BIRC6: variants seen among roughly 807,000 people sequenced by gnomAD.
BIRC6 encodes dual E2 ubiquitin-conjugating enzyme/E3 ubiquitin-protein ligase BIRC6.
In BIRC6, 98 loss-of-function variants were observed where a neutral mutation model predicts 503.3. The ratio of observed to expected loss-of-function variants is 0.19; its 90% CI spans 0.17 to 0.23. BIRC6 has a LOEUF of 0.23. Among genes scored for constraint, BIRC6 ranks in the 10% least tolerant of loss-of-function variants. The probability of loss-of-function intolerance (pLI) is 1.00; values close to 1 mark genes in which losing one functional copy is unlikely to be tolerated. For missense variants in BIRC6, 5,360 were observed against 5,806.0 expected, an observed-to-expected ratio of 0.92 and a Z score of 2.50; for synonymous variants, 2,240 against 2,078.7, an observed-to-expected ratio of 1.08 and a Z score of -2.11.
intron 10 of BIRC6, among the ~76,000 whole-genome samples, chr2:32,420,817 C>T (rs2042854860): frequency 6.6e-6 from 1 of 151,848 alleles, no homozygotes; most frequent in Non-Finnish European, 1.5e-5. Context: ...TGGCTCCTTA[C>T]ATTCCTTTTA....
Position 32,493,798 on chromosome 2 carries a change from G to A in BIRC6, c.8468+131G>A, listed in dbSNP as rs908278632. On this transcript the variant is annotated intron_variant, in intron 45 of 73. Coordinates refer to ENST00000421745, the MANE Select transcript of BIRC6 (RefSeq NM_016252.4). ...CAGGAGGACGGTAGTAATTAAGGGGGAAGGATATATTGGTGTGTTTCCTGA... is the reference window on the plus strand; with the variant it reads ...CAGGAGGACGGTAGTAATTAAGGGGAAAGGATATATTGGTGTGTTTCCTGA... 3 of 682,050 alleles carry A rather than the reference G, an allele frequency of 4.4e-6. No homozygotes were observed. The South Asian group carries it at 6.8e-5, about 15-fold the overall frequency. 42.2% of individuals were successfully genotyped at this position (682,050 alleles called of 1,614,324 possible).
At chr2:32,560,882 G>A (rs112631440) in intron 65 of BIRC6, among the ~76,000 whole-genome samples, 5,262 of 149,854 alleles carry the variant, frequency 0.035, 140 homozygotes, top group African/African-American at 0.075. Context: ...TTTTTTTTAT[G>A]CAACATCTCG....
intron 66 of BIRC6, among the ~76,000 whole-genome samples, chr2:32,578,226 G>A (rs2060397289): frequency 6.6e-6 from 1 of 151,892 alleles, no homozygotes; most frequent in African/African-American, 2.4e-5. Context: ...TTTTCCAGTT[G>A]TCACAACTTA....
rs758749183 is a variant in BIRC6 at position 32,464,542 on chromosome 2, A to ACAGCTGCAG, written c.4989_4997dup (p.Ala1664_Ala1666dup). ...GCTGGAAGCCAAGTTACATCAGACAACAGCTGCAGCAGCTGCAGCAGCATC... is the reference window on the plus strand; with the variant it reads ...GCTGGAAGCCAAGTTACATCAGACAACAGCTGCAGCAGCTGCAGCAGCTGCAGCAGCATC... On this transcript the variant is annotated inframe_insertion, in exon 25 of 74. Coordinates refer to ENST00000421745, the MANE Select transcript of BIRC6 (RefSeq NM_016252.4). The ACAGCTGCAG allele has an allele frequency of 8.2e-6, 13 of 1,591,576 alleles. No homozygotes were observed. Among genetic ancestry groups the ACAGCTGCAG allele is most frequent in the African/African-American group, 1.3e-5 (1 of 74,528 alleles).
chr2:32,383,419 A>G (rs1331839222), intron 3 of BIRC6, among the ~76,000 whole-genome samples: 3 of 152,138 alleles, frequency 2.0e-5, no homozygotes, highest in Non-Finnish European at 4.4e-5. Context: ...TTTTTGTATT[A>G]CCTGTTCCTT....
chr2:32,570,555 A>G (rs552507207), intron 65 of BIRC6, among the ~76,000 whole-genome samples: 17 of 151,908 alleles, frequency 1.1e-4, no homozygotes, highest in African/African-American at 2.9e-4. Flanking sequence ...CTGGAGTGCA[A>G]TGGTATTATC....
rs190586339 is a variant in BIRC6, at chr2:32,511,899, T to G, written c.10347-1034T>G. 1.6e-4 allele frequency among the ~76,000 whole-genome samples: 24 copies of G among 152,304 alleles called. 1 individual carries two copies. Among genetic ancestry groups the G allele is most frequent in the African/African-American group, 5.5e-4 (23 of 41,584 alleles). On this transcript the variant is annotated intron_variant, in intron 53 of 73. Transcript: ENST00000421745. ...AGTGAATAACAATTTGTGCCAAATT[T>G]GAATCATAATCGTTAGTAGTGGTTA...
At chr2:32,615,932 C>A (rs531563227) in intron 73 of BIRC6, among the ~76,000 whole-genome samples, 1 of 152,116 alleles carries the variant, frequency 6.6e-6, no homozygotes, top group South Asian at 2.1e-4. Flanking sequence ...CAGACCCGGC[C>A]GACACAATTT....
At chr2:32,369,942 AAAAATATATATATATATATATATATAT>A (rs1558540597) in intron 1 of BIRC6, among the ~76,000 whole-genome samples, 9 of 34,294 alleles carry the variant, frequency 2.6e-4, no homozygotes, top group Non-Finnish European at 3.5e-4. Flanking sequence ...AAAAAAAAAA[AAAAATATATATATATATATATATATAT>A]ATATATATAT....
chr2:32,381,655 C>T (rs1224069930), intron 3 of BIRC6, among the ~76,000 whole-genome samples: 5 of 151,502 alleles, frequency 3.3e-5, no homozygotes, highest in African/African-American at 1.2e-4. Flanking sequence ...AAGCTATTCT[C>T]CTGCCTCAGC....
chr2:32,427,162 G>T (rs1401466820), intron 10 of BIRC6, among the ~76,000 whole-genome samples: 2 of 152,038 alleles, frequency 1.3e-5, no homozygotes, highest in African/African-American at 4.8e-5. Context: ...ATCAGATTTG[G>T]TAAGTTTTTG....
intron 8 of BIRC6, among the ~76,000 whole-genome samples, chr2:32,402,996 G>A (rs1360892111): frequency 2.6e-5 from 4 of 152,160 alleles, no homozygotes; most frequent in East Asian, 3.8e-4. Context: ...ATTATATGGG[G>A]TAATGTGCTT....
intron 71 of BIRC6, among the ~76,000 whole-genome samples, chr2:32,604,122 A>T (rs941054649): frequency 6.6e-6 from 1 of 152,174 alleles, no homozygotes; most frequent in Non-Finnish European, 1.5e-5. Context: ...TCTATATTAT[A>T]AAGTTATGTA....
chr2:32,467,213 C>T (rs1479697072), intron 26 of BIRC6, among the ~76,000 whole-genome samples: 3 of 152,028 alleles, frequency 2.0e-5, no homozygotes, highest in Non-Finnish European at 4.4e-5. Context: ...TGTATTGCAG[C>T]CTGGAGCTCC....
chr2:32,514,794 C>A (rs1021149516), intron 54 of BIRC6, among the ~76,000 whole-genome samples, 196 bp from the exon 55 acceptor site: 1 of 152,022 alleles, frequency 6.6e-6, no homozygotes, highest in Admixed American at 6.6e-5. Flanking sequence ...ATTGTACCTA[C>A]ATTCTTCAAT....
At chr2:32,584,887 C>T (rs1191444864) in intron 66 of BIRC6, among the ~76,000 whole-genome samples, 1 of 152,100 alleles carries the variant, frequency 6.6e-6, no homozygotes, top group Non-Finnish European at 1.5e-5. Context: ...TAACCATAAA[C>T]GTTTTATTTT....
chr2:32,429,003 T>G, intron 10 of BIRC6, 143 bp from the exon 11 acceptor site: 1 of 711,454 alleles, frequency 1.4e-6, no homozygotes. Context: ...ATTAAATTTC[T>G]AAACTCTTGG....
intron 2 of BIRC6, 48 bp from the exon 3 acceptor site, chr2:32,380,105 C>T: frequency 2.3e-6 from 3 of 1,314,866 alleles, no homozygotes; most frequent in South Asian, 1.7e-5. Context: ...TTTTGTTGTT[C>T]TTGTGTTGAA....
chr2:32,393,999 C>T (rs192844221), intron 5 of BIRC6, among the ~76,000 whole-genome samples: 7 of 150,074 alleles, frequency 4.7e-5, no homozygotes, highest in Admixed American at 3.3e-4. Flanking sequence ...TGTCAGATTT[C>T]CTGTTACAGA....
Sources: gnomAD v4.1 joint callset for allele counts (sites outside exome capture counted in the v4.1 genomes callset) on GRCh38, gnomAD v4.1.1 for gene constraint, MANE v1.5 for transcripts, NCBI Gene and HGNC (gene_info 2026-07-23, HGNC 2026-07-21) for gene names.